Variants in LRMDA observed in about 807,000 individuals in gnomAD.
LRMDA encodes leucine rich melanocyte differentiation associated.
LRMDA carries 18 observed loss-of-function variants against 29.8 expected under a neutral mutation model. The observed-to-expected ratio is 0.60, with a 90% confidence interval of 0.42 to 0.90. LRMDA has a LOEUF of 0.90. Among genes scored for constraint, LRMDA ranks in the 40% least tolerant of loss-of-function variants. LRMDA has a pLI of 0.00. For synonymous variants in LRMDA, 125 were observed against 109.4 expected (o/e 1.14, Z -0.89); for missense variants, 273 against 273.9 (o/e 1.00, Z 0.02).
At chr10:75,446,691 A>G (rs1006628175) in intron 2 of LRMDA, among the ~76,000 whole-genome samples, 18 of 152,252 alleles carry the variant, frequency 1.2e-4, no homozygotes, top group African/African-American at 3.9e-4. Context: ...TTGTTAATGC[A>G]GCATAACCTA....
chr10:75,512,811 G>A (rs1845240945), intron 2 of LRMDA, among the ~76,000 whole-genome samples: 1 of 152,166 alleles, frequency 6.6e-6, no homozygotes, highest in Non-Finnish European at 1.5e-5. Flanking sequence ...GTCAAGCATA[G>A]CTCATTTAAA....
intron 2 of LRMDA, among the ~76,000 whole-genome samples, chr10:75,543,115 C>G (rs1480453229): frequency 6.6e-6 from 1 of 152,162 alleles, no homozygotes; most frequent in Non-Finnish European, 1.5e-5. Flanking sequence ...CTGGTAATTG[C>G]AAGCAGAGGC....
chr10:75,686,600 C>T (rs886476442), intron 2 of LRMDA, among the ~76,000 whole-genome samples: 2 of 152,124 alleles, frequency 1.3e-5, no homozygotes. Flanking sequence ...AGTTCCTAAC[C>T]CTTATATTTA....
At chr10:76,057,685 T>C (rs1161550910) in intron 4 of LRMDA, among the ~76,000 whole-genome samples, 2 of 152,170 alleles carry the variant, frequency 1.3e-5, no homozygotes, top group African/African-American at 4.8e-5. Flanking sequence ...AGGAAGGAAA[T>C]GACAGATTCC....
At chr10:76,274,247 A>G (rs563824063) in intron 5 of LRMDA, among the ~76,000 whole-genome samples, 2 of 152,170 alleles carry the variant, frequency 1.3e-5, no homozygotes, top group African/African-American at 4.8e-5. Context: ...TCCTCCATTT[A>G]GTTAATCCCA....
intron 2 of LRMDA, among the ~76,000 whole-genome samples, chr10:75,934,316 T>C (rs1236770189): frequency 6.6e-6 from 1 of 152,208 alleles, no homozygotes; most frequent in East Asian, 1.9e-4. Flanking sequence ...GGTAAAAGGA[T>C]GGAGACAGCA....
intron 6 of LRMDA, among the ~76,000 whole-genome samples, chr10:76,443,448 A>G (rs565059995): frequency 1.3e-5 from 2 of 152,270 alleles, no homozygotes; most frequent in African/African-American, 4.8e-5. Context: ...GCTGACTAGT[A>G]CTTTGCGGAT....
intron 5 of LRMDA, among the ~76,000 whole-genome samples, chr10:76,169,213 T>G (rs1850792060): frequency 6.6e-6 from 1 of 152,174 alleles, no homozygotes; most frequent in Non-Finnish European, 1.5e-5. Context: ...TAAAACTGGA[T>G]CTTTTTGCTA....
chr10:75,622,902 G>A (rs1404936873), intron 2 of LRMDA, among the ~76,000 whole-genome samples: 3 of 152,204 alleles, frequency 2.0e-5, no homozygotes, highest in Non-Finnish European at 4.4e-5. Context: ...CCTTAGAGCT[G>A]TAATGGGTCT....
intron 5 of LRMDA, among the ~76,000 whole-genome samples, chr10:76,320,482 A>C (rs1840757440): frequency 6.6e-6 from 1 of 152,170 alleles, no homozygotes; most frequent in Non-Finnish European, 1.5e-5. Flanking sequence ...CATCACAAAA[A>C]GTCAATCAGA....
At chr10:75,475,014 C>T (rs116596729) in intron 2 of LRMDA, among the ~76,000 whole-genome samples, 172 of 152,262 alleles carry the variant, frequency 1.1e-3, no homozygotes, top group African/African-American at 4.0e-3. Context: ...ATCCATAGCC[C>T]AGCACCTGCA....
At chr10:76,418,600 T>C (rs1842042736) in intron 6 of LRMDA, among the ~76,000 whole-genome samples, 1 of 152,020 alleles carries the variant, frequency 6.6e-6, no homozygotes, top group Non-Finnish European at 1.5e-5. Flanking sequence ...TTATACCTAT[T>C]CCTTTTATTT....
intron 5 of LRMDA, among the ~76,000 whole-genome samples, chr10:76,086,520 C>T (rs1298563062): frequency 6.6e-6 from 1 of 152,186 alleles, no homozygotes; most frequent in Non-Finnish European, 1.5e-5. Flanking sequence ...AATTGTCAGT[C>T]AACACTCGTA....
At chr10:75,974,071 T>G (rs901958090) in intron 2 of LRMDA, among the ~76,000 whole-genome samples, 1 of 152,198 alleles carries the variant, frequency 6.6e-6, no homozygotes, top group Non-Finnish European at 1.5e-5. Flanking sequence ...CATTTTTCAC[T>G]TTTAAAGGGG....
chr10:75,716,658 C>T (rs1276164880), intron 2 of LRMDA, among the ~76,000 whole-genome samples: 1 of 152,110 alleles, frequency 6.6e-6, no homozygotes, highest in Non-Finnish European at 1.5e-5. Flanking sequence ...GGAAAGGAGA[C>T]CATGGGGGTT....
intron 2 of LRMDA, among the ~76,000 whole-genome samples, chr10:75,890,495 A>G (rs1364219073): frequency 6.7e-6 from 1 of 149,842 alleles, no homozygotes; most frequent in Non-Finnish European, 1.5e-5. Context: ...TTTGCTGGTG[A>G]TATATGAAGC....
chr10:75,702,669 A>G (rs1387050280), intron 2 of LRMDA, among the ~76,000 whole-genome samples: 1 of 152,230 alleles, frequency 6.6e-6, no homozygotes, highest in African/African-American at 2.4e-5. Context: ...GAAATAACAA[A>G]TAGATTATTT....
chr10:76,149,340 A>G (rs1422736245), intron 5 of LRMDA, among the ~76,000 whole-genome samples: 1 of 152,234 alleles, frequency 6.6e-6, no homozygotes, highest in Non-Finnish European at 1.5e-5. Context: ...CTTGGTCTTG[A>G]ATCAGGAGAG....
At chr10:76,249,215 A>G (rs1310631531) in intron 5 of LRMDA, among the ~76,000 whole-genome samples, 1 of 152,172 alleles carries the variant, frequency 6.6e-6, no homozygotes, top group Non-Finnish European at 1.5e-5. Flanking sequence ...GCTGTTTTCT[A>G]TTCTTGCTTT....
Sources: gnomAD v4.1 joint callset for allele counts (sites outside exome capture counted in the v4.1 genomes callset) on GRCh38, gnomAD v4.1.1 for gene constraint, MANE v1.5 for transcripts, NCBI Gene and HGNC (gene_info 2026-07-23, HGNC 2026-07-21) for gene names.